The following MAP3K20 variants were observed in gnomAD, a reference collection of about 807,000 sequenced individuals.
MAP3K20 encodes mitogen-activated protein kinase kinase kinase 20.
MAP3K20 carries 40 observed loss-of-function variants against 85.7 expected under a neutral mutation model. The observed-to-expected ratio is 0.47, with a 90% CI of 0.36 to 0.61. MAP3K20 has a LOEUF of 0.61. Among genes scored for constraint, MAP3K20 ranks in the 20% least tolerant of loss-of-function variants. The pLI is 0.00. For missense variants in MAP3K20, 817 were observed against 961.7 expected, an observed-to-expected ratio of 0.85 and a Z score of 1.99; for synonymous variants, 325 against 327.7, an observed-to-expected ratio of 0.99 and a Z score of 0.09.
chr2:173,233,636 G>C (rs951741724), intron 14 of MAP3K20, among the ~76,000 whole-genome samples: 2 of 152,126 alleles, frequency 1.3e-5, no homozygotes, highest in Non-Finnish European at 2.9e-5. Context: ...ACAGAATAAA[G>C]GAGAAAATTC....
At chr2:173,163,684 T>C (rs1472847859) in intron 2 of MAP3K20, among the ~76,000 whole-genome samples, 3 of 152,240 alleles carry the variant, frequency 2.0e-5, no homozygotes, top group Non-Finnish European at 1.5e-5. Flanking sequence ...ATTCCATGTC[T>C]TTGCTATTGT....
rs1690630034 is a variant in MAP3K20, at chr2:173,190,938, T to TTTAC, written c.444+19_444+22dup. 1 of 1,605,576 alleles carries TTTAC rather than the reference T, an allele frequency of 6.2e-7. No individual in the cohort carries two copies. Among genetic ancestry groups the TTTAC allele is most frequent in the African/African-American group, 1.3e-5 (1 of 74,220 alleles). ...GAGTATTGAAGGTAGGACTATTTCT[T>TTTAC]TTACTTAAAAAAATTGTTAATTTCA... On this transcript the variant is annotated intron_variant, in intron 6 of 19. Coordinates refer to ENST00000375213, the MANE Select transcript of MAP3K20 (RefSeq NM_016653.3).
At chr2:173,112,060 C>T (rs1233572595) in intron 2 of MAP3K20, among the ~76,000 whole-genome samples, 2 of 152,058 alleles carry the variant, frequency 1.3e-5, no homozygotes, top group Non-Finnish European at 2.9e-5. Context: ...GGATGTGTTT[C>T]CATTTGTTCG....
intron 17 of MAP3K20, among the ~76,000 whole-genome samples, chr2:173,260,224 C>T (rs988662665): frequency 4.6e-5 from 7 of 152,020 alleles, no homozygotes; most frequent in Non-Finnish European, 1.0e-4. Flanking sequence ...AAAAATGAGC[C>T]AGGTGTGGTG....
In MAP3K20 at chr2:173,108,671, A is replaced by G. The variant is rs1205046067; in HGVS notation, c.159+17481A>G. Among the ~76,000 whole-genome samples the G allele has an allele frequency of 4.6e-5, 7 of 152,236 alleles. No homozygotes were observed. The East Asian group carries it at 1.3e-3, about 29-fold the overall frequency. ...CATAACACTTTCTTGGTGGAAGTCT[A>G]AAATGGTAAGCCTTCCAGAAGACAG... On this transcript the variant is annotated intron_variant, in intron 2 of 19. Transcript: ENST00000375213.
At chr2:173,092,983 AAC>A (rs1264360729) in intron 2 of MAP3K20, among the ~76,000 whole-genome samples, 2 of 152,172 alleles carry the variant, frequency 1.3e-5, no homozygotes, top group African/African-American at 2.4e-5. Context: ...ATAACTCATA[AAC>A]CTGTAGGTAG....
At chr2:173,165,922 T>A (rs905527249) in intron 2 of MAP3K20, among the ~76,000 whole-genome samples, 1 of 152,200 alleles carries the variant, frequency 6.6e-6, no homozygotes, top group Non-Finnish European at 1.5e-5. Flanking sequence ...TCTCTTCTCC[T>A]GCCTCAGCCT....
At chr2:173,132,059 T>C (rs979675068) in intron 2 of MAP3K20, among the ~76,000 whole-genome samples, 2 of 152,154 alleles carry the variant, frequency 1.3e-5, no homozygotes, top group African/African-American at 4.8e-5. Flanking sequence ...TTCTCAGTCA[T>C]GTAGGTTTTG....
chr2:173,206,873 A>G (rs1042366416), intron 9 of MAP3K20, among the ~76,000 whole-genome samples: 3 of 152,052 alleles, frequency 2.0e-5, no homozygotes, highest in Non-Finnish European at 2.9e-5. Flanking sequence ...ATACGTAGCA[A>G]TTCAACCAGA....
chr2:173,262,974 T>A (rs2106358243), intron 18 of MAP3K20, among the ~76,000 whole-genome samples: 1 of 152,314 alleles, frequency 6.6e-6, no homozygotes. Flanking sequence ...TCTTCTTCTC[T>A]CTCCCTCCTC....
chr2:173,218,664 CA>C (rs1393675449), intron 11 of MAP3K20, among the ~76,000 whole-genome samples: 1 of 152,184 alleles, frequency 6.6e-6, no homozygotes, highest in Non-Finnish European at 1.5e-5. Flanking sequence ...CTTTAAAATG[CA>C]TTGAAATCTA....
chr2:173,125,791 T>C (rs546875889), intron 2 of MAP3K20, among the ~76,000 whole-genome samples: 1 of 152,186 alleles, frequency 6.6e-6, no homozygotes, highest in South Asian at 2.1e-4. Flanking sequence ...GTCTCCTGAG[T>C]AGCTGGGACT....
chr2:173,178,311 A>G (rs1412629042), intron 3 of MAP3K20, among the ~76,000 whole-genome samples: 1 of 152,204 alleles, frequency 6.6e-6, no homozygotes, highest in Non-Finnish European at 1.5e-5. Flanking sequence ...AAAAGATACA[A>G]ATTATCAAAA....
chr2:173,178,883 A>G (rs1195983675), intron 3 of MAP3K20, among the ~76,000 whole-genome samples: 1 of 152,194 alleles, frequency 6.6e-6, no homozygotes, highest in Admixed American at 6.5e-5. Flanking sequence ...ATATAGATGT[A>G]AAAATTCTTA....
chr2:173,192,611 C>T (rs1690690961), intron 7 of MAP3K20, among the ~76,000 whole-genome samples: 1 of 152,152 alleles, frequency 6.6e-6, no homozygotes, highest in South Asian at 2.1e-4. Context: ...TCATAAGTTT[C>T]AGAGGAGACT....
chr2:173,157,019 G>A (rs1483938859), intron 2 of MAP3K20, among the ~76,000 whole-genome samples: 2 of 152,152 alleles, frequency 1.3e-5, no homozygotes, highest in Non-Finnish European at 2.9e-5. Context: ...GCAGGGGTTA[G>A]GGGCACCAAC....
At chr2:173,096,560 G>A (rs1687467881) in intron 2 of MAP3K20, among the ~76,000 whole-genome samples, 2 of 152,036 alleles carry the variant, frequency 1.3e-5, no homozygotes, top group Non-Finnish European at 1.5e-5. Flanking sequence ...GGATGGTCTC[G>A]ATCTCCTGAC....
At chr2:173,176,768 A>T (rs1048041909) in intron 3 of MAP3K20, among the ~76,000 whole-genome samples, 2 of 152,216 alleles carry the variant, frequency 1.3e-5, no homozygotes, top group African/African-American at 4.8e-5. Context: ...CAGATTAAAA[A>T]ATAACCAGAT....
intron 2 of MAP3K20, among the ~76,000 whole-genome samples, chr2:173,168,724 AAC>A (rs1689910825): frequency 1.3e-5 from 2 of 152,172 alleles, no homozygotes; most frequent in Non-Finnish European, 2.9e-5. Context: ...TTCTATATTT[AAC>A]TTACGTGATT....
Sources: allele counts gnomAD v4.1 joint callset (sites outside exome capture counted in the v4.1 genomes callset), GRCh38; gene constraint gnomAD v4.1.1; transcripts MANE v1.5; gene names NCBI Gene and HGNC (gene_info 2026-07-23, HGNC 2026-07-21).